Variants in MEGF11 observed in about 807,000 individuals in gnomAD.
MEGF11 encodes the protein multiple epidermal growth factor-like domains protein 11.
A neutral mutation model predicts 146.6 loss-of-function variants in MEGF11; 126 were observed. The observed-to-expected ratio is 0.86, with a 90% CI of 0.74 to 1.00. MEGF11 has a LOEUF of 1.00. Among genes scored for constraint, MEGF11 ranks in the 50% least tolerant of loss-of-function variants. The pLI, the probability that MEGF11 is intolerant of heterozygous loss-of-function variation, is 0.00. For missense variants in MEGF11, 1,509 were observed against 1,521.2 expected (o/e 0.99, Z 0.13); for synonymous variants, 532 against 583.4 (o/e 0.91, Z 1.27).
chr15:66,018,368 C>A (rs2082969317), intron 5 of MEGF11, among the ~76,000 whole-genome samples: 1 of 152,244 alleles, frequency 6.6e-6, no homozygotes, highest in African/African-American at 2.4e-5. Flanking sequence ...TGGCTGGGCT[C>A]CTTCCTCTAG....
In MEGF11 at chr15:66,012,715, C is replaced by G. The variant is rs145353472; in HGVS notation, c.395-30227G>C. On this transcript the variant is annotated intron_variant, in intron 5 of 25. Transcript: ENST00000395614. Reference sequence around the variant, plus strand: ...AGATGCAGCTGTCATCTCTGTGATGCCCACAAGCCCTAAACTGGGCCCTGA... The same window carrying G: ...AGATGCAGCTGTCATCTCTGTGATGGCCACAAGCCCTAAACTGGGCCCTGA... Among the ~76,000 whole-genome samples the G allele has an allele frequency of 3.8e-3, 583 of 152,332 alleles. 1 individual carries two copies. Among genetic ancestry groups the G allele is most frequent in the African/African-American group, 0.013 (554 of 41,578 alleles).
intron 1 of MEGF11, among the ~76,000 whole-genome samples, chr15:66,212,713 TC>T (rs5813381): frequency 1 from 152,336 of 152,336 alleles, 76,168 homozygotes; most frequent in Non-Finnish European, 1. Flanking sequence ...TCAGGGCCCA[TC>T]CCCCAGAGGC....
intron 4 of MEGF11, among the ~76,000 whole-genome samples, chr15:66,100,244 A>C (rs1427694205): frequency 6.6e-6 from 1 of 152,198 alleles, no homozygotes; most frequent in Admixed American, 6.5e-5. Flanking sequence ...TCCAAAATAC[A>C]GAGAGGGCCA....
chr15:65,965,617 T>TCTTTCTTTCTTTC (rs1567180159), intron 8 of MEGF11, among the ~76,000 whole-genome samples: 1 of 112,942 alleles, frequency 8.9e-6, no homozygotes, highest in Non-Finnish European at 2.1e-5. Context: ...TTTTTTCTTT[T>TCTTTCTTTCTTTC]TTTTTTTTTT....
intron 1 of MEGF11, among the ~76,000 whole-genome samples, chr15:66,168,182 C>A (rs1412626472): frequency 6.6e-6 from 1 of 152,046 alleles, no homozygotes; most frequent in Non-Finnish European, 1.5e-5. Flanking sequence ...CACCACATTC[C>A]AGCCACCGTG....
intron 1 of MEGF11, among the ~76,000 whole-genome samples, chr15:66,133,717 C>T (rs78089859): frequency 1.3e-5 from 2 of 152,174 alleles, no homozygotes; most frequent in African/African-American, 2.4e-5. Context: ...GATGAAGCCT[C>T]CTGCCCTGCA....
intron 1 of MEGF11, among the ~76,000 whole-genome samples, chr15:66,237,622 C>A (rs2092123257): frequency 6.6e-6 from 1 of 152,184 alleles, no homozygotes; most frequent in South Asian, 2.1e-4. Flanking sequence ...GGAATAACAA[C>A]AGGACCTCCT....
intron 10 of MEGF11, 87 bp from the exon 11 acceptor site, chr15:65,931,030 C>G: frequency 7.2e-7 from 1 of 1,379,536 alleles, no homozygotes; most frequent in Non-Finnish European, 9.6e-7. Flanking sequence ...CTGCTGCCCC[C>G]AACATGTCCA....
chr15:66,096,816 TG>T (rs888077507), intron 4 of MEGF11, among the ~76,000 whole-genome samples: 9 of 152,146 alleles, frequency 5.9e-5, no homozygotes, highest in African/African-American at 9.7e-5. Flanking sequence ...TTCTCCAAGC[TG>T]GGGGGGAACA....
chr15:66,062,031 G>A (rs188280919), intron 5 of MEGF11, among the ~76,000 whole-genome samples: 3 of 152,370 alleles, frequency 2.0e-5, no homozygotes, highest in African/African-American at 7.2e-5. Flanking sequence ...AAAGTGCTGG[G>A]ATTACAGGTG....
chr15:65,995,219 G>C (rs1007239189), intron 5 of MEGF11, among the ~76,000 whole-genome samples: 5 of 152,204 alleles, frequency 3.3e-5, no homozygotes, highest in African/African-American at 1.2e-4. Context: ...CGGGTACACA[G>C]CCTGGGTAGG....
At chr15:66,177,203 G>A (rs1454760958) in intron 1 of MEGF11, among the ~76,000 whole-genome samples, 1 of 152,172 alleles carries the variant, frequency 6.6e-6, no homozygotes, top group Non-Finnish European at 1.5e-5. Flanking sequence ...CCCACAAGGA[G>A]TTAAAAGCCA....
intron 5 of MEGF11, among the ~76,000 whole-genome samples, chr15:65,995,178 C>T (rs1027315018): frequency 4.6e-5 from 7 of 152,128 alleles, no homozygotes; most frequent in Non-Finnish European, 1.0e-4. Flanking sequence ...AGGGAGGGGG[C>T]GTGCAGGGCT....
chr15:66,003,888 C>T (rs1260978116), intron 5 of MEGF11, among the ~76,000 whole-genome samples: 1 of 152,212 alleles, frequency 6.6e-6, no homozygotes, highest in Non-Finnish European at 1.5e-5. Context: ...CTCCTGCACC[C>T]ACAGTCCTGC....
intron 1 of MEGF11, among the ~76,000 whole-genome samples, chr15:66,142,148 A>G (rs2089193409): frequency 6.6e-6 from 1 of 152,186 alleles, no homozygotes; most frequent in African/African-American, 2.4e-5. Flanking sequence ...CCCAGGTATA[A>G]GCAATGCCCC....
At chr15:66,052,607 C>A (rs895345307) in intron 5 of MEGF11, among the ~76,000 whole-genome samples, 1 of 152,182 alleles carries the variant, frequency 6.6e-6, no homozygotes, top group Non-Finnish European at 1.5e-5. Flanking sequence ...TCGATGCTTT[C>A]CCCAACTGCT....
At chr15:66,100,122 G>A (rs553721391) in intron 4 of MEGF11, among the ~76,000 whole-genome samples, 114 of 152,284 alleles carry the variant, frequency 7.5e-4, no homozygotes, top group Admixed American at 1.1e-3. Flanking sequence ...CCCTGCCCCC[G>A]TGCACGCTCT....
At chr15:66,076,643 G>A (rs1171294920) in intron 5 of MEGF11, among the ~76,000 whole-genome samples, 1 of 152,126 alleles carries the variant, frequency 6.6e-6, no homozygotes, top group Non-Finnish European at 1.5e-5. Context: ...AGGCAGGCTG[G>A]GAGTCAGAGA....
At position 66,049,517 on chromosome 15, in the gene MEGF11, T is replaced by C. The variant is rs139739325; in HGVS notation, c.394+44885A>G. Among the ~76,000 whole-genome samples, 1,231 of 152,346 alleles carry C rather than the reference T, an allele frequency of 8.1e-3. 5 individuals are homozygous for C. Among genetic ancestry groups the C allele is most frequent in the Admixed American group, 0.012 (179 of 15,296 alleles). Reference sequence around the variant, plus strand: ...TGCCGCAGTGAGGGAAGCAATGTTTTTTTAATGGGGACTTGCGCCTGTGGA... The same window carrying C: ...TGCCGCAGTGAGGGAAGCAATGTTTCTTTAATGGGGACTTGCGCCTGTGGA... On this transcript the variant is annotated intron_variant, in intron 5 of 25. Coordinates refer to ENST00000395614, the MANE Select transcript of MEGF11 (RefSeq NM_001385028.1).
Sources: gnomAD v4.1 joint callset for allele counts (sites outside exome capture counted in the v4.1 genomes callset) on GRCh38, gnomAD v4.1.1 for gene constraint, MANE v1.5 for transcripts, NCBI Gene and HGNC (gene_info 2026-07-23, HGNC 2026-07-21) for gene names.